Variants in ANKRD36 observed in about 807,000 individuals in gnomAD.
The protein encoded by ANKRD36 is ankyrin repeat domain 36.
ANKRD36 carries 179 observed loss-of-function variants against 278.1 expected under a neutral mutation model. The observed-to-expected ratio is 0.64, with a 90% CI of 0.57 to 0.73. ANKRD36 has a LOEUF of 0.73. Ranked by LOEUF, ANKRD36 falls within the 30% of genes least tolerant of loss-of-function variation. The probability of loss-of-function intolerance (pLI) is 0.00; values close to 1 mark genes in which losing one functional copy is unlikely to be tolerated. For synonymous variants in ANKRD36, 320 were observed against 641.1 expected (o/e 0.50, Z 7.57); for missense variants, 1,159 against 1,956.7 (o/e 0.59, Z 7.69).
chr2:97,193,195 T>C, intron 38 of ANKRD36, 142 bp downstream of exon 38: 1 of 886,648 alleles, frequency 1.1e-6, no homozygotes, highest in Non-Finnish European at 1.7e-6. Flanking sequence ...AATAAGTTCT[T>C]GGGTGATGCT....
chr2:97,200,622 C>T (rs1346876939), intron 46 of ANKRD36, 97 bp downstream of exon 46: 7 of 1,503,808 alleles, frequency 4.7e-6, no homozygotes, highest in Non-Finnish European at 6.2e-6. Context: ...GCTGCACGTT[C>T]TGATTCACCA....
chr2:97,156,526 C>G (rs573338111), intron 15 of ANKRD36, among the ~76,000 whole-genome samples: 4 of 135,632 alleles, frequency 2.9e-5, no homozygotes, highest in African/African-American at 5.0e-5. Flanking sequence ...CAATTTCACC[C>G]ATGTCCCTAC....
chr2:97,126,779 G>T (rs549775677), intron 5 of ANKRD36, among the ~76,000 whole-genome samples: 4 of 151,320 alleles, frequency 2.6e-5, no homozygotes, highest in African/African-American at 9.7e-5. Context: ...ATACCTGTTG[G>T]CTATAGAGCC....
intron 6 of ANKRD36, among the ~76,000 whole-genome samples, chr2:97,136,584 A>G (rs1290129668): frequency 2.0e-5 from 3 of 151,772 alleles, no homozygotes; most frequent in Non-Finnish European, 2.9e-5. Flanking sequence ...CCAAGTAGGT[A>G]GTGCCAGAAT....
At chr2:97,182,390 A>G (rs2056455613) in intron 26 of ANKRD36, among the ~76,000 whole-genome samples, 1 of 139,896 alleles carries the variant, frequency 7.1e-6, no homozygotes, top group Non-Finnish European at 1.6e-5. Context: ...AGCAGGAAGG[A>G]GTACTAGAAC....
At position 97,149,375 on chromosome 2, in the gene ANKRD36, T is replaced by A; in HGVS notation, c.1101+14T>A. 6.6e-7 allele frequency: 1 copy of A among 1,511,408 alleles called. No homozygotes were observed. The highest frequency in any genetic ancestry group is 1.3e-5 in the South Asian group (1 of 78,502). 93.6% of individuals were successfully genotyped at this position (1,511,408 alleles called of 1,614,324 possible). A position where few individuals can be genotyped will look rare whatever the true frequency, so the allele number is the denominator to read the frequency against. ...TTGGAATCTGAGGTAGAGTACTCTC[T>A]TGTGAAATTAATTTTCTCCCTCTGA... On this transcript the variant is annotated intron_variant, in intron 12 of 75. Transcript: ENST00000420699.
At chr2:97,224,484 G>A (rs1442324666) in intron 66 of ANKRD36, among the ~76,000 whole-genome samples, 4 of 144,332 alleles carry the variant, frequency 2.8e-5, no homozygotes, top group Non-Finnish European at 6.0e-5. Flanking sequence ...GTCTCGCTCT[G>A]CCACCCAGGC....
chr2:97,183,661 T>C lies in ANKRD36; in HGVS notation c.1939+7T>C. Reference sequence around the variant, plus strand: ...GGTGGGAAATCTGGAACAGGTAATTTGGCAATACACATTTAATGTCATGTG... The same window carrying C: ...GGTGGGAAATCTGGAACAGGTAATTCGGCAATACACATTTAATGTCATGTG... On this transcript the variant is annotated splice_region_variant and intron_variant, in intron 28 of 75. Transcript: ENST00000420699. 1 of 1,568,580 alleles carries C rather than the reference T, an allele frequency of 6.4e-7. No individual in the cohort carries two copies. The highest frequency in any genetic ancestry group is 8.6e-7 in the Non-Finnish European group (1 of 1,156,834).
At chr2:97,121,676 A>AT (rs1248914104) in intron 3 of ANKRD36, among the ~76,000 whole-genome samples, 1 of 152,068 alleles carries the variant, frequency 6.6e-6, no homozygotes, top group African/African-American at 2.4e-5. Flanking sequence ...GATGCAAATA[A>AT]TTTAGTGGCT....
At chr2:97,211,405 T>C (rs1576069294) in intron 56 of ANKRD36, 141 bp from the exon 57 acceptor site, 1 of 1,337,760 alleles carries the variant, frequency 7.5e-7, no homozygotes, top group Non-Finnish European at 1.0e-6. Flanking sequence ...CATGTTCTGG[T>C]CCCCAGACAC....
chr2:97,220,051 C>CTGTGTG (rs71274689), intron 66 of ANKRD36, among the ~76,000 whole-genome samples: 81 of 111,280 alleles, frequency 7.3e-4, no homozygotes, highest in Non-Finnish European at 1.1e-3. Context: ...GATTAGCACA[C>CTGTGTG]TGTGTGTGTG....
chr2:97,247,969 A>G (rs1213584321), intron 72 of ANKRD36: 1 of 127,134 alleles, frequency 7.9e-6, no homozygotes, highest in Non-Finnish European at 1.6e-5. Flanking sequence ...TAAACAGTCT[A>G]TTTTTAATGA....
rs182907770 is a variant in ANKRD36 at position 97,113,215 on chromosome 2, G to A, written c.-525G>A. On this transcript the variant is annotated 5_prime_UTR_variant, in exon 1 of 76. Transcript: ENST00000420699. ...CGCTGGCTGCAGCTGTGGCAACCCC[G>A]GATCCCGTCCTCCCGCCTCGCACCC... 1.6e-4 allele frequency among the ~76,000 whole-genome samples: 25 copies of A among 152,114 alleles called. No homozygotes were observed. The highest frequency in any genetic ancestry group is 6.6e-4 in the Admixed American group (10 of 15,256).
At chr2:97,258,650 G>A (rs2076441393) in intron 75 of ANKRD36, among the ~76,000 whole-genome samples, 2 of 83,792 alleles carry the variant, frequency 2.4e-5, no homozygotes, top group Non-Finnish European at 4.5e-5. Context: ...ATTTTTGTTT[G>A]TTTGCTTGCT....
chr2:97,139,451 C>G (rs1030907385), intron 6 of ANKRD36, among the ~76,000 whole-genome samples: 1 of 151,928 alleles, frequency 6.6e-6, no homozygotes, highest in Non-Finnish European at 1.5e-5. Context: ...GCAACTTGGT[C>G]TTTGTAAAAT....
At chr2:97,192,251 T>G (rs1391494411) in intron 36 of ANKRD36, among the ~76,000 whole-genome samples, 1 of 151,724 alleles carries the variant, frequency 6.6e-6, no homozygotes, top group Non-Finnish European at 1.5e-5. Context: ...TACAAGAAAC[T>G]TAAGCAAATT....
chr2:97,192,489 CAT>C (rs1473342694), intron 36 of ANKRD36, among the ~76,000 whole-genome samples: 2 of 151,304 alleles, frequency 1.3e-5, no homozygotes, highest in African/African-American at 2.4e-5. Context: ...GCATGAAAGA[CAT>C]GTGGGATCAT....
At chr2:97,170,262 T>C (rs2052039298) in intron 22 of ANKRD36, among the ~76,000 whole-genome samples, 1 of 149,146 alleles carries the variant, frequency 6.7e-6, no homozygotes, top group Non-Finnish European at 1.5e-5. Context: ...TTACACCTTA[T>C]ACAAAAATTA....
At chr2:97,148,669 A>G (rs2153460551) in intron 11 of ANKRD36, among the ~76,000 whole-genome samples, 1 of 152,308 alleles carries the variant, frequency 6.6e-6, no homozygotes, top group African/African-American at 2.4e-5. Context: ...TAACAATCTA[A>G]CAACATATAC....
Sources: gnomAD v4.1 joint callset for allele counts (sites outside exome capture counted in the v4.1 genomes callset) on GRCh38, gnomAD v4.1.1 for gene constraint, MANE v1.5 for transcripts, NCBI Gene and HGNC (gene_info 2026-07-23, HGNC 2026-07-21) for gene names.